Variants in DCC observed in about 807,000 individuals in gnomAD.
The protein encoded by DCC is netrin receptor DCC.
In DCC, 58 loss-of-function variants were observed where a neutral mutation model predicts 172.5. That is an observed-to-expected ratio of 0.34 (90% CI 0.27 to 0.42). The LOEUF (loss-of-function observed/expected upper bound fraction) is 0.42. Among genes scored for constraint, DCC ranks in the 10% least tolerant of loss-of-function variants. DCC has a pLI of 1.00. For synonymous variants in DCC, 709 were observed against 644.5 expected (o/e 1.10, Z -1.52); for missense variants, 1,740 against 1,791.0 (o/e 0.97, Z 0.51).
chr18:52,366,801 C>T (rs551359378), intron 1 of DCC, among the ~76,000 whole-genome samples: 122 of 152,346 alleles, frequency 8.0e-4, no homozygotes, highest in African/African-American at 2.7e-3. Flanking sequence ...CATAAAGACT[C>T]TCCACCTCCC....
At chr18:53,521,121 AC>A (rs1438798400) in intron 27 of DCC, among the ~76,000 whole-genome samples, 1 of 152,114 alleles carries the variant, frequency 6.6e-6, no homozygotes, top group Non-Finnish European at 1.5e-5. Flanking sequence ...TATGAATATT[AC>A]TTGAGAAAAG....
At chr18:53,079,398 A>G (rs1011967572) in intron 7 of DCC, among the ~76,000 whole-genome samples, 4 of 152,100 alleles carry the variant, frequency 2.6e-5, no homozygotes, top group Non-Finnish European at 1.5e-5. Context: ...GAAACAGATG[A>G]CCCTTGGGGA....
At chr18:52,953,000 CAAAAAAAAAAA>C (rs11315976) in intron 5 of DCC, among the ~76,000 whole-genome samples, 11 of 52,218 alleles carry the variant, frequency 2.1e-4, no homozygotes, top group South Asian at 2.2e-3. Context: ...TCTCCTGTCT[CAAAAAAAAAAA>C]AAAAAAAAAA....
chr18:52,745,828 C>T (rs1446048729), intron 1 of DCC, among the ~76,000 whole-genome samples: 8 of 152,158 alleles, frequency 5.3e-5, no homozygotes, highest in Admixed American at 5.2e-4. Context: ...AACCATTGTT[C>T]TACTTAACAT....
chr18:53,330,218 A>G (rs574154982), intron 14 of DCC, among the ~76,000 whole-genome samples: 2 of 152,292 alleles, frequency 1.3e-5, no homozygotes, highest in East Asian at 3.9e-4. Flanking sequence ...TTTTTATACA[A>G]TTGGAGGTTT....
At chr18:53,075,543 A>ATTT (rs145928746) in intron 7 of DCC, among the ~76,000 whole-genome samples, 4 of 141,082 alleles carry the variant, frequency 2.8e-5, no homozygotes, top group Admixed American at 7.2e-5. Flanking sequence ...GTGTTATCCC[A>ATTT]TTTTTTTTTT....
At chr18:52,387,673 A>C (rs1252907415) in intron 1 of DCC, among the ~76,000 whole-genome samples, 1 of 148,690 alleles carries the variant, frequency 6.7e-6, no homozygotes, top group Non-Finnish European at 1.5e-5. Context: ...CTATGAACAA[A>C]AACTGTCTAT....
chr18:52,719,838 G>A (rs1211227279), intron 1 of DCC, among the ~76,000 whole-genome samples: 2 of 152,176 alleles, frequency 1.3e-5, no homozygotes, highest in African/African-American at 4.8e-5. Context: ...GGGCGGGATG[G>A]AGGTCGCTGT....
chr18:52,464,446 A>G (rs2144546257), intron 1 of DCC, among the ~76,000 whole-genome samples: 1 of 152,282 alleles, frequency 6.6e-6, no homozygotes, highest in East Asian at 1.9e-4. Context: ...TTGTATAAAG[A>G]GCTGTGTTTT....
intron 12 of DCC, among the ~76,000 whole-genome samples, chr18:53,285,616 C>T (rs762538245): frequency 6.6e-6 from 1 of 152,202 alleles, no homozygotes; most frequent in Non-Finnish European, 1.5e-5. Flanking sequence ...GGGTCTGAGT[C>T]TCCACACAGA....
intron 2 of DCC, among the ~76,000 whole-genome samples, chr18:52,806,549 A>T (rs571444051): frequency 6.6e-6 from 1 of 152,366 alleles, no homozygotes; most frequent in Non-Finnish European, 1.5e-5. Flanking sequence ...AGCTGGGATC[A>T]CAAACTTCTC....
intron 1 of DCC, among the ~76,000 whole-genome samples, chr18:52,638,459 A>G (rs986455581): frequency 6.6e-6 from 1 of 152,150 alleles, no homozygotes; most frequent in Non-Finnish European, 1.5e-5. Flanking sequence ...CACCTAGCAC[A>G]TAAGGACTCA....
At chr18:52,847,812 T>C (rs561187064) in intron 2 of DCC, among the ~76,000 whole-genome samples, 1 of 152,352 alleles carries the variant, frequency 6.6e-6, no homozygotes, top group East Asian at 1.9e-4. Flanking sequence ...GTACCCTAGT[T>C]GAATGGTATA....
intron 5 of DCC, among the ~76,000 whole-genome samples, chr18:53,030,361 C>T (rs2042011152): frequency 6.6e-6 from 1 of 151,984 alleles, no homozygotes; most frequent in Non-Finnish European, 1.5e-5. Context: ...AATATATACT[C>T]AATAAAGTGT....
chr18:52,893,268 A>T (rs1279084447), intron 2 of DCC, among the ~76,000 whole-genome samples: 3 of 152,110 alleles, frequency 2.0e-5, no homozygotes, highest in African/African-American at 7.2e-5. Flanking sequence ...GTCCTATGAA[A>T]CAAATGTAGA....
chr18:52,760,136 A>C (rs370033730), intron 2 of DCC, among the ~76,000 whole-genome samples: 3 of 152,344 alleles, frequency 2.0e-5, no homozygotes, highest in African/African-American at 7.2e-5. Context: ...ACAGTTCTGC[A>C]GGGCTGGGGA....
At chr18:52,855,910 C>T (rs2039045912) in intron 2 of DCC, among the ~76,000 whole-genome samples, 1 of 151,524 alleles carries the variant, frequency 6.6e-6, no homozygotes. Context: ...GGATTACAGG[C>T]ACGTGCCACC....
chr18:52,585,003 G>A (rs1183410674), intron 1 of DCC, among the ~76,000 whole-genome samples: 3 of 152,164 alleles, frequency 2.0e-5, no homozygotes, highest in Non-Finnish European at 4.4e-5. Context: ...TTGGAGAGTA[G>A]GTACATGTCT....
chr18:52,944,029 A>T (rs1369376458), intron 5 of DCC, among the ~76,000 whole-genome samples: 1 of 152,210 alleles, frequency 6.6e-6, no homozygotes, highest in East Asian at 1.9e-4. Flanking sequence ...AAGTGCTAGG[A>T]TTACAGGCAT....
Sources: allele counts gnomAD v4.1 joint callset (sites outside exome capture counted in the v4.1 genomes callset), GRCh38; gene constraint gnomAD v4.1.1; transcripts MANE v1.5; gene names NCBI Gene and HGNC (gene_info 2026-07-23, HGNC 2026-07-21).